The following EYS variants were observed in gnomAD, a reference collection of about 807,000 sequenced individuals.
EYS encodes EGF-like photoreceptor maintenance factor.
A neutral mutation model predicts 282.1 loss-of-function variants in EYS; 250 were observed. The ratio of observed to expected loss-of-function variants is 0.89; its 90% CI spans 0.80 to 0.98. EYS has a LOEUF of 0.98. Among genes scored for constraint, EYS ranks in the 50% least tolerant of loss-of-function variants. EYS has a pLI of 0.00. For missense variants in EYS, 4,016 were observed against 3,709.0 expected, an observed-to-expected ratio of 1.08 and a Z score of -2.15; for synonymous variants, 1,355 against 1,282.9, an observed-to-expected ratio of 1.06 and a Z score of -1.20.
intron 26 of EYS, among the ~76,000 whole-genome samples, chr6:64,535,613 G>GCCTGTACT (rs1764495134): frequency 6.6e-6 from 1 of 151,076 alleles, no homozygotes; most frequent in Non-Finnish European, 1.5e-5. Flanking sequence ...GGTGGTGTGT[G>GCCTGTACT]CCTGTACTCC....
rs1200521001 is a variant in EYS at position 64,027,413 on chromosome 6, C to G, written c.6726-28230G>C. ...GATAAGTTTATTACCCAATCAGCCACAGATATCAGGAGGAAACTCCAAAAG... is the reference window on the plus strand; with the variant it reads ...GATAAGTTTATTACCCAATCAGCCAGAGATATCAGGAGGAAACTCCAAAAG... On this transcript the variant is annotated intron_variant, in intron 33 of 42. Transcript: ENST00000503581. Among the ~76,000 whole-genome samples, 6 of 152,118 alleles carry G rather than the reference C, an allele frequency of 3.9e-5. No individual in the cohort carries two copies. In the East Asian group the frequency reaches 1.2e-3, roughly 29 times the overall value.
intron 26 of EYS, among the ~76,000 whole-genome samples, chr6:64,484,190 A>G (rs1776517816): frequency 1.3e-5 from 2 of 151,610 alleles, no homozygotes; most frequent in South Asian, 4.1e-4. Context: ...GAGTGGCATG[A>G]AGGCCTTACC....
intron 1 of EYS, among the ~76,000 whole-genome samples, chr6:65,643,323 A>T (rs569476341): frequency 6.6e-6 from 1 of 152,290 alleles, no homozygotes; most frequent in South Asian, 2.1e-4. Flanking sequence ...ACACCTGGGA[A>T]TATAACTCCA....
intron 5 of EYS, among the ~76,000 whole-genome samples, chr6:65,435,200 G>A (rs766901925): frequency 8.6e-5 from 13 of 151,924 alleles, no homozygotes; most frequent in African/African-American, 1.4e-4. Flanking sequence ...TGTTTAAAAT[G>A]TTACCTATAT....
At chr6:64,178,551 T>G (rs1285642126) in intron 31 of EYS, among the ~76,000 whole-genome samples, 5 of 152,024 alleles carry the variant, frequency 3.3e-5, no homozygotes, top group Non-Finnish European at 7.4e-5. Flanking sequence ...CGGGGGATGA[T>G]AGACTTTAGC....
intron 41 of EYS, among the ~76,000 whole-genome samples, chr6:63,731,633 A>AT (rs904025289): frequency 5.9e-5 from 9 of 152,164 alleles, no homozygotes; most frequent in East Asian, 1.9e-4. Context: ...TGCATTCTAT[A>AT]TTTTTTTACC....
chr6:64,947,854 A>G (rs946037394), intron 14 of EYS, among the ~76,000 whole-genome samples: 16 of 151,888 alleles, frequency 1.1e-4, no homozygotes, highest in African/African-American at 3.9e-4. Context: ...GGACATGCCC[A>G]TTCGTTATGT....
chr6:65,371,135 A>G (rs1304460417), intron 8 of EYS, among the ~76,000 whole-genome samples: 1 of 151,658 alleles, frequency 6.6e-6, no homozygotes, highest in Admixed American at 6.7e-5. Context: ...TTTTAAGACA[A>G]ATGATGGTGG....
intron 2 of EYS, among the ~76,000 whole-genome samples, chr6:65,543,442 AT>A (rs1259244552): frequency 1.3e-5 from 2 of 148,156 alleles, no homozygotes; most frequent in Admixed American, 1.4e-4. Flanking sequence ...TACATTATAT[AT>A]TATGTATACT....
chr6:65,018,985 A>G lies in EYS; in HGVS notation c.2138-21282T>C, dbSNP rs562178888. On this transcript the variant is annotated intron_variant, in intron 13 of 42. Coordinates refer to ENST00000503581, the MANE Select transcript of EYS (RefSeq NM_001142800.2). ...TTTTGGATTCTAGAAATAAAAATAAAGCTTATAAGATTATCTCAATGAACA... is the reference window on the plus strand; with the variant it reads ...TTTTGGATTCTAGAAATAAAAATAAGGCTTATAAGATTATCTCAATGAACA... 1.9e-3 allele frequency among the ~76,000 whole-genome samples: 282 copies of G among 152,286 alleles called. 2 individuals carry two copies. Among genetic ancestry groups the G allele is most frequent in the African/African-American group, 6.7e-3 (278 of 41,554 alleles).
chr6:64,342,640 G>A (rs1432551252), intron 29 of EYS, among the ~76,000 whole-genome samples: 1 of 152,032 alleles, frequency 6.6e-6, no homozygotes, highest in Non-Finnish European at 1.5e-5. Flanking sequence ...ATAAAGGCTA[G>A]GAAGAAACTG....
At chr6:64,149,549 A>G (rs1468087624) in intron 31 of EYS, among the ~76,000 whole-genome samples, 1 of 152,218 alleles carries the variant, frequency 6.6e-6, no homozygotes, top group Non-Finnish European at 1.5e-5. Flanking sequence ...TAAAGATGCC[A>G]AATAGCAGCA....
chr6:64,151,342 TA>T lies in EYS; in HGVS notation c.6425-69341del, dbSNP rs1293476039. On this transcript the variant is annotated intron_variant, in intron 31 of 42. Transcript: ENST00000503581. ...TTATATATATATATATATATATATA[TA>T]TATATATATATATATATATAATTTT... is the stretch of plus-strand genomic sequence containing the variant. 2.7e-4 allele frequency among the ~76,000 whole-genome samples: 32 copies of T among 117,538 alleles called. 1 individual carries two copies. The highest frequency in any genetic ancestry group is 1.3e-3 in the African/African-American group (30 of 23,080). 77.1% of individuals were successfully genotyped at this position (117,538 alleles called of 152,430 possible). A position where few individuals can be genotyped will look rare whatever the true frequency, so the allele number is the denominator to read the frequency against.
intron 12 of EYS, among the ~76,000 whole-genome samples, chr6:65,277,758 A>G (rs2150271850): frequency 6.6e-6 from 1 of 152,240 alleles, no homozygotes. Flanking sequence ...GTGGTGATAC[A>G]TTTTCCACTG....
At chr6:65,540,648 GTGGC>G (rs1768130710) in intron 2 of EYS, among the ~76,000 whole-genome samples, 1 of 152,180 alleles carries the variant, frequency 6.6e-6, no homozygotes, top group African/African-American at 2.4e-5. Flanking sequence ...GCCGGGTGCG[GTGGC>G]TCACGCCTGT....
intron 22 of EYS, among the ~76,000 whole-genome samples, chr6:64,688,414 G>T (rs1666787526): frequency 6.6e-6 from 1 of 152,038 alleles, no homozygotes; most frequent in African/African-American, 2.4e-5. Context: ...AGAGATTCTG[G>T]AATGTTGTGT....
intron 21 of EYS, among the ~76,000 whole-genome samples, chr6:64,815,588 T>C (rs1321707460): frequency 1.3e-5 from 2 of 152,074 alleles, no homozygotes; most frequent in African/African-American, 2.4e-5. Context: ...GGTTTAAAAA[T>C]TTAAAAGGAT....
chr6:64,257,193 T>C (rs940188757), intron 30 of EYS, among the ~76,000 whole-genome samples: 1 of 152,060 alleles, frequency 6.6e-6, no homozygotes, highest in Non-Finnish European at 1.5e-5. Context: ...TAATGAAACA[T>C]TTCCTAACTG....
At chr6:64,921,818 G>T (rs985178837) in intron 15 of EYS, among the ~76,000 whole-genome samples, 4 of 152,256 alleles carry the variant, frequency 2.6e-5, no homozygotes, top group Admixed American at 6.5e-5. Context: ...AAGCACAAAA[G>T]AATTAGATGA....
Sources: gnomAD v4.1 joint callset for allele counts (sites outside exome capture counted in the v4.1 genomes callset) on GRCh38, gnomAD v4.1.1 for gene constraint, MANE v1.5 for transcripts, NCBI Gene and HGNC (gene_info 2026-07-23, HGNC 2026-07-21) for gene names.